The following IBTK variants were observed in gnomAD, a reference collection of about 807,000 sequenced individuals.
IBTK encodes the protein BTK-binding protein.
In IBTK, 83 loss-of-function variants were observed where a neutral mutation model predicts 154.9. The ratio of observed to expected loss-of-function variants is 0.54; its 90% CI spans 0.45 to 0.64. The LOEUF is 0.64. Ranked by LOEUF, IBTK falls within the 30% of genes least tolerant of loss-of-function variation. The probability of loss-of-function intolerance (pLI) is 0.00; values close to 1 mark genes in which losing one functional copy is unlikely to be tolerated. For missense variants in IBTK, 1,332 were observed against 1,584.6 expected, an observed-to-expected ratio of 0.84 and a Z score of 2.71; for synonymous variants, 515 against 536.1, an observed-to-expected ratio of 0.96 and a Z score of 0.54.
intron 26 of IBTK, among the ~76,000 whole-genome samples, chr6:82,180,801 G>A (rs904079064): frequency 7.2e-5 from 11 of 152,114 alleles, no homozygotes; most frequent in Non-Finnish European, 1.5e-4. Flanking sequence ...TAGTTCCTCA[G>A]GACAGGTAAA....
rs1322050190 is a variant in IBTK at position 82,214,584 on chromosome 6, T to C, written c.1847A>G (p.His616Arg). The C allele has an allele frequency of 6.2e-7, 1 of 1,613,954 alleles. No homozygotes were observed. Among genetic ancestry groups the C allele is most frequent in the South Asian group, 1.1e-5 (1 of 91,088 alleles). The part of the protein sequence containing the change: ...YQKDEDSAGC[H>R]LFVVEKVHPD... ...ATGAACCTTCTCTACCACAAAGAGA[T>C]GGCACCCTGCAGAATCTTCATCTTT... is the stretch of plus-strand genomic sequence containing the variant. The change falls in exon 12 of 29, where the codon CAT becomes CGT. Residue 616 changes from histidine to arginine, a missense_variant. Physicochemically the swap from His to Arg is conservative, Grantham distance 29. Around this residue, in one of 3 missense-constraint regions of IBTK, gnomAD observed 1,134 missense variants for 1,274.7 expected, o/e 0.89. Transcript: ENST00000306270.
chr6:82,225,606 G>T lies in IBTK; in HGVS notation c.696C>A (p.Ser232=), dbSNP rs1309064641. 1 of 1,613,004 alleles carries T rather than the reference G, an allele frequency of 6.2e-7. No homozygotes were observed. Among genetic ancestry groups the T allele is most frequent in the South Asian group, 1.1e-5 (1 of 90,872 alleles). The change falls in exon 6 of 29, where the codon TCC becomes TCA. Residue 232 remains serine, a synonymous_variant. Transcript: ENST00000306270. Reference sequence around the variant, plus strand: ...TATGATCCTTAGCAGCTGCCACTTGGGAACAATTATGACCATTCAGTCCTT... The same window carrying T: ...TATGATCCTTAGCAGCTGCCACTTGTGAACAATTATGACCATTCAGTCCTT... ...LVEGLNGHNC[S]QVAAAKDHTV...
chr6:82,240,313 A>G lies in IBTK; in HGVS notation c.174T>C (p.Leu58=). The G allele has an allele frequency of 6.2e-7, 1 of 1,614,218 alleles. No individual in the cohort carries two copies. Among genetic ancestry groups the G allele is most frequent in the South Asian group, 1.1e-5 (1 of 91,090 alleles). Residue 58 remains leucine, a synonymous_variant, in exon 2 of 29, where the codon CTT becomes CTC. Transcript: ENST00000306270. Reference sequence around the variant, plus strand: ...CTCCTTTCTTTCCACAGGAGGAAACAAGGTGGAGGGCATTCCTGCCAAAAA... The same window carrying G: ...CTCCTTTCTTTCCACAGGAGGAAACGAGGTGGAGGGCATTCCTGCCAAAAA... ...KDVFGRNALH[L]VSSCGKKGVL...
rs1398941726 is a variant in IBTK at position 82,200,571 on chromosome 6, AAAG to A, written c.2912+13_2912+15del. On this transcript the variant is annotated intron_variant, in intron 20 of 28. Coordinates refer to ENST00000306270, the MANE Select transcript of IBTK (RefSeq NM_015525.4). ...AGAAAAGGAGGAAAAGAAAAAAAAAAAAGAAAACAGCTTACGAATGATTTTGTT... is the reference window on the plus strand; with the variant it reads ...AGAAAAGGAGGAAAAGAAAAAAAAAAAAAACAGCTTACGAATGATTTTGTT... The A allele has an allele frequency of 2.0e-6, 3 of 1,517,370 alleles. No individual in the cohort carries two copies. Among genetic ancestry groups the A allele is most frequent in the Non-Finnish European group, 1.8e-6 (2 of 1,136,764 alleles). 94.0% of individuals were successfully genotyped at this position (1,517,370 alleles called of 1,614,324 possible).
At chr6:82,185,141 C>T (rs946328274) in intron 25 of IBTK, among the ~76,000 whole-genome samples, 1 of 147,838 alleles carries the variant, frequency 6.8e-6, no homozygotes, top group Admixed American at 6.8e-5. Flanking sequence ...CAAGATTGCG[C>T]CACGGCACTG....
At chr6:82,196,139 T>C (rs142019303) in intron 22 of IBTK, among the ~76,000 whole-genome samples, 159 bp downstream of exon 22, 53 of 152,340 alleles carry the variant, frequency 3.5e-4, no homozygotes, top group Non-Finnish European at 6.3e-4. Flanking sequence ...AAAATAGAAA[T>C]GTTGTGCAAA....
chr6:82,184,224 A>G (rs930156751), intron 25 of IBTK, among the ~76,000 whole-genome samples: 1 of 152,178 alleles, frequency 6.6e-6, no homozygotes, highest in African/African-American at 2.4e-5. Flanking sequence ...TTCTACCTTA[A>G]CAGCCACAGA....
intron 25 of IBTK, among the ~76,000 whole-genome samples, chr6:82,188,707 A>C (rs1281229938): frequency 6.6e-6 from 1 of 152,210 alleles, no homozygotes; most frequent in Non-Finnish European, 1.5e-5. Context: ...CAAATGTTCC[A>C]GAAAGTAGAA....
Position 82,223,553 on chromosome 6 carries a change from A to G in IBTK, c.1011T>C (p.His337=), listed in dbSNP as rs1204973530. ...TAPRQVSALH[H]KDIALSLVAA... is the part of the protein sequence containing the mutation. ...CAACCAAAGACAGAGCAATGTCTTT[A>G]TGGTGAAGGGCAGAGACCTGACGAG... Residue 337 remains histidine (H), a synonymous_variant, in exon 8 of 29, where the codon CAT becomes CAC. Transcript: ENST00000306270. The G allele has an allele frequency of 6.2e-7, 1 of 1,613,870 alleles. No homozygotes were observed. Among genetic ancestry groups the G allele is most frequent in the Admixed American group, 1.7e-5 (1 of 60,030 alleles).
At chr6:82,225,042 G>A (rs1368846760) in intron 6 of IBTK, among the ~76,000 whole-genome samples, 1 of 151,962 alleles carries the variant, frequency 6.6e-6, no homozygotes, top group East Asian at 1.9e-4. Flanking sequence ...GCTCACACCT[G>A]TAATCCCAGC....
chr6:82,225,554 C>G lies in IBTK; in HGVS notation c.748G>C (p.Val250Leu), dbSNP rs1770262974. Residue 250 changes from valine (V) to leucine (L), a missense_variant, in exon 6 of 29, where the codon GTT (valine) becomes CTT (leucine). Physicochemically the swap from Val to Leu is conservative, Grantham distance 32. Transcript: ENST00000306270. ...AAAATGTTTAGACCAAATGTATAAA[C>G]ACATCCATCTTCAGTTAATACAACA... ...HTVVLTEDGC[V>L]YTFGLNIFHQ... is the part of the protein sequence containing the mutation. 2 of 1,613,082 alleles carry G rather than the reference C, an allele frequency of 1.2e-6. No homozygotes were observed. Among genetic ancestry groups the G allele is most frequent in the African/African-American group, 2.7e-5 (2 of 74,870 alleles).
chr6:82,215,601 A>G (rs1769838440), intron 11 of IBTK, among the ~76,000 whole-genome samples: 1 of 152,190 alleles, frequency 6.6e-6, no homozygotes, highest in Non-Finnish European at 1.5e-5. Context: ...AGCCTGGCCA[A>G]CAGGGCAAAA....
intron 2 of IBTK, among the ~76,000 whole-genome samples, chr6:82,239,304 G>A (rs553439861): frequency 1.5e-4 from 23 of 151,790 alleles, no homozygotes; most frequent in Admixed American, 2.6e-4. Flanking sequence ...TTAGCCAGGC[G>A]TGGTGGTGGG....
At chr6:82,177,168 T>G (rs1316468158) in intron 26 of IBTK, among the ~76,000 whole-genome samples, 1 of 151,922 alleles carries the variant, frequency 6.6e-6, no homozygotes, top group African/African-American at 2.4e-5. Context: ...TCTTTAATAC[T>G]TCCATATTGT....
chr6:82,233,190 G>A (rs1770578729), intron 3 of IBTK, among the ~76,000 whole-genome samples: 1 of 151,306 alleles, frequency 6.6e-6, no homozygotes, highest in South Asian at 2.1e-4. Flanking sequence ...AATTGGGCAT[G>A]GTGGCATGGG....
At chr6:82,221,582 A>G (rs1443596222) in intron 8 of IBTK, among the ~76,000 whole-genome samples, 2 of 152,106 alleles carry the variant, frequency 1.3e-5, no homozygotes, top group African/African-American at 4.8e-5. Context: ...GCCTGCTGCT[A>G]CTCCAATGAC....
chr6:82,244,677 C>T (rs9344262), intron 1 of IBTK, among the ~76,000 whole-genome samples: 20,327 of 152,152 alleles, frequency 0.13, 1,658 homozygotes, highest in Non-Finnish European at 0.18. Flanking sequence ...ACTCCAGGCC[C>T]ATATTTCCAA....
At chr6:82,185,534 C>CA (rs1047532535) in intron 25 of IBTK, among the ~76,000 whole-genome samples, 3 of 148,536 alleles carry the variant, frequency 2.0e-5, no homozygotes, top group African/African-American at 7.4e-5. Context: ...GTCTCAAAAA[C>CA]AAAAAAAAAG....
intron 2 of IBTK, among the ~76,000 whole-genome samples, chr6:82,238,733 G>A (rs1472834832): frequency 6.6e-6 from 1 of 151,564 alleles, no homozygotes; most frequent in Non-Finnish European, 1.5e-5. Context: ...GAGCCACCGC[G>A]CCTGGCCATC....
Sources: gnomAD v4.1 joint callset for allele counts (sites outside exome capture counted in the v4.1 genomes callset) on GRCh38, gnomAD v4.1.1 for gene constraint, gnomAD v4.1.1 regional missense constraint, MANE v1.5 for transcripts, NCBI Gene and HGNC (gene_info 2026-07-23, HGNC 2026-07-21) for gene names.